The following PGR variants were observed in gnomAD, a reference collection of about 807,000 sequenced individuals.
PGR encodes nuclear receptor subfamily 3 group C member 3.
PGR carries 25 observed loss-of-function variants against 76.1 expected under a neutral mutation model. The observed-to-expected ratio is 0.33, with a 90% CI of 0.24 to 0.46. The LOEUF (loss-of-function observed/expected upper bound fraction) is 0.46, where lower values mean the gene tolerates loss of function less well. Among genes scored for constraint, PGR ranks in the 20% least tolerant of loss-of-function variants. PGR has a pLI of 1.00. For missense variants in PGR, 1,172 were observed against 1,225.3 expected (o/e 0.96, Z 0.65); for synonymous variants, 579 against 535.0 (o/e 1.08, Z -1.14).
At position 101,129,101 on chromosome 11, in the gene PGR, G is replaced by T. The variant is rs1225248623; in HGVS notation, c.-31C>A. The T allele has an allele frequency of 2.3e-6, 3 of 1,328,818 alleles. No homozygotes were observed. Among genetic ancestry groups the T allele is most frequent in the Non-Finnish European group, 9.6e-7 (1 of 1,042,612 alleles). 82.3% of individuals were successfully genotyped at this position (1,328,818 alleles called of 1,614,324 possible). A position where few individuals can be genotyped will look rare whatever the true frequency, so the allele number is the denominator to read the frequency against. On this transcript the variant is annotated 5_prime_UTR_variant, in exon 1 of 8. Transcript: ENST00000325455. ...CTGGACTCCCCTTTTCTCCTCCCCC[G>T]TCTCCAGGAGGAGGGAAAAGGGAAG...
chr11:101,103,371 C>T (rs1315388962), intron 2 of PGR, among the ~76,000 whole-genome samples: 1 of 151,970 alleles, frequency 6.6e-6, no homozygotes, highest in East Asian at 1.9e-4. Context: ...CAGGTGTGAG[C>T]ATCTGAGACC....
chr11:101,041,836 A>C (rs879171599), intron 7 of PGR, 109 bp downstream of exon 7: 2 of 963,198 alleles, frequency 2.1e-6, no homozygotes, highest in Non-Finnish European at 3.2e-6. Context: ...TTAACATACA[A>C]GTATTAATCT....
chr11:101,075,555 T>C lies in PGR; in HGVS notation c.1907-12803A>G, dbSNP rs1861091751. Among the ~76,000 whole-genome samples the C allele has an allele frequency of 2.6e-5, 4 of 151,372 alleles. No individual in the cohort carries two copies. In the South Asian group the frequency reaches 8.3e-4, roughly 32 times the overall value. On this transcript the variant is annotated intron_variant, in intron 3 of 7. Coordinates refer to ENST00000325455, the MANE Select transcript of PGR (RefSeq NM_000926.4). Reference sequence around the variant, plus strand: ...GGCAACCTACAGAATGGGAGAAAATTTCTGCAATTTATCCATCTAACAAAG... The same window carrying C: ...GGCAACCTACAGAATGGGAGAAAATCTCTGCAATTTATCCATCTAACAAAG...
chr11:101,062,413 T>C (rs1384488607), intron 4 of PGR, 34 bp downstream of exon 4: 7 of 1,497,520 alleles, frequency 4.7e-6, no homozygotes, highest in Non-Finnish European at 3.7e-6. Flanking sequence ...TAGTATATTT[T>C]TTATTACATG....
rs1283697257 is a variant in PGR, at chr11:101,128,934, G to C, written c.137C>G (p.Pro46Arg). Residue 46 changes from proline to arginine, a missense_variant, in exon 1 of 8, where the codon CCT (proline) becomes CGT (arginine). Pro to Arg is a moderately radical substitution (Grantham distance 103, BLOSUM62 -2). Coordinates refer to ENST00000325455, the MANE Select transcript of PGR (RefSeq NM_000926.4). ...FPGSQTSDTL[P>R]EVSAIPISLD... ...GGAGATAGGTATGGCCGAAACTTCA[G>C]GCAAGGTGTCCGAGGTCTGGCTCCC... The C allele has an allele frequency of 6.2e-7, 1 of 1,612,132 alleles. No individual in the cohort carries two copies. The highest frequency in any genetic ancestry group is 1.3e-5 in the African/African-American group (1 of 74,906).
intron 2 of PGR, among the ~76,000 whole-genome samples, chr11:101,094,602 T>C (rs1861778159): frequency 6.6e-6 from 1 of 152,230 alleles, no homozygotes; most frequent in South Asian, 2.1e-4. Context: ...CAGTCATATT[T>C]CTAGGTACCT....
intron 3 of PGR, among the ~76,000 whole-genome samples, chr11:101,085,367 TAA>T (rs57854947): frequency 2.0e-5 from 3 of 149,930 alleles, no homozygotes; most frequent in Non-Finnish European, 4.4e-5. Flanking sequence ...AAGGCAGAAA[TAA>T]AAAAAAATTA....
chr11:101,101,385 AAAT>A (rs1373818491), intron 2 of PGR, among the ~76,000 whole-genome samples: 2 of 152,236 alleles, frequency 1.3e-5, no homozygotes, highest in African/African-American at 4.8e-5. Context: ...AATTAAAAGT[AAAT>A]AATAAGTATC....
chr11:101,086,586 G>A (rs1030034427), intron 3 of PGR, among the ~76,000 whole-genome samples: 1 of 152,124 alleles, frequency 6.6e-6, no homozygotes, highest in African/African-American at 2.4e-5. Context: ...GCTAGCCAGA[G>A]CAGTCAGGCA....
Position 101,034,906 on chromosome 11 carries a change from A to T in PGR, c.*4210T>A, listed in dbSNP as rs1387068543. The T allele has an allele frequency of 5.4e-6, 1 of 184,436 alleles. No individual in the cohort carries two copies. Among genetic ancestry groups the T allele is most frequent in the African/African-American group, 2.3e-5 (1 of 42,620 alleles). 11.4% of individuals were successfully genotyped at this position (184,436 alleles called of 1,614,324 possible). A position where few individuals can be genotyped will look rare whatever the true frequency, so the allele number is the denominator to read the frequency against. ...TAGTCCACAGATGCTAGGGAGAAAC[A>T]GAGATTGTTGTTTTCACTCAGCCAT... On this transcript the variant is annotated 3_prime_UTR_variant, in exon 8 of 8. Coordinates refer to ENST00000325455, the MANE Select transcript of PGR (RefSeq NM_000926.4).
Position 101,051,417 on chromosome 11 carries a change from T to C in PGR, c.2357+7A>G. ...AAATAACAAAAACAACAAAAGTTAC[T>C]ACTTACTCATTTAGTATTAGATCAG... is the stretch of plus-strand genomic sequence containing the variant. On this transcript the variant is annotated splice_region_variant and intron_variant, in intron 5 of 7. Coordinates refer to ENST00000325455, the MANE Select transcript of PGR (RefSeq NM_000926.4). 1 of 1,589,518 alleles carries C rather than the reference T, an allele frequency of 6.3e-7. No individual in the cohort carries two copies. Among genetic ancestry groups the C allele is most frequent in the Non-Finnish European group, 8.6e-7 (1 of 1,158,516 alleles).
At chr11:101,124,258 A>G (rs1462926122) in intron 2 of PGR, among the ~76,000 whole-genome samples, 1 of 152,212 alleles carries the variant, frequency 6.6e-6, no homozygotes, top group Non-Finnish European at 1.5e-5. Flanking sequence ...GACTTCGTCT[A>G]CAGTTTTGGA....
chr11:101,051,132 TTTA>T (rs1173789326), intron 5 of PGR, among the ~76,000 whole-genome samples: 2 of 152,058 alleles, frequency 1.3e-5, no homozygotes, highest in Non-Finnish European at 2.9e-5. Flanking sequence ...ATATTTCTCA[TTTA>T]TTATTGTCAT....
chr11:101,122,532 C>A (rs997495210), intron 2 of PGR, among the ~76,000 whole-genome samples: 3 of 152,182 alleles, frequency 2.0e-5, no homozygotes, highest in Admixed American at 1.3e-4. Context: ...CTTTGGAAGG[C>A]ATTAAGTCAA....
At chr11:101,122,535 T>TA (rs1229219142) in intron 2 of PGR, among the ~76,000 whole-genome samples, 1 of 152,226 alleles carries the variant, frequency 6.6e-6, no homozygotes, top group Admixed American at 6.5e-5. Context: ...TGGAAGGCAT[T>TA]AAGTCAATTC....
rs1862951690 is a variant in PGR at position 101,128,273 on chromosome 11, G to A, written c.798C>T (p.Ala266=). The A allele has an allele frequency of 1.3e-6, 2 of 1,591,820 alleles. No individual in the cohort carries two copies. Among genetic ancestry groups the A allele is most frequent in the African/African-American group, 1.3e-5 (1 of 74,700 alleles). ...VPPGAAAGGV[A]LVPKEDSRFS... is the part of the protein sequence containing the mutation. ...AGCGGGAATCTTCCTTGGGGACCAG[G>A]GCGACGCCTCCTGCTGCCGCCCCCG... The change falls in exon 1 of 8, where the codon GCC becomes GCT. Residue 266 remains alanine (A), a synonymous_variant. Transcript: ENST00000325455.
intron 3 of PGR, among the ~76,000 whole-genome samples, chr11:101,087,758 A>G (rs1270192498): frequency 6.6e-6 from 1 of 152,112 alleles, no homozygotes; most frequent in Admixed American, 6.6e-5. Flanking sequence ...AATCTCACCA[A>G]AAAAATGGGC....
chr11:101,116,387 G>C (rs1307632736), intron 2 of PGR, among the ~76,000 whole-genome samples: 2 of 152,338 alleles, frequency 1.3e-5, no homozygotes, highest in Admixed American at 6.5e-5. Context: ...CGGGGCCAGT[G>C]TGGAGGAAAG....
At chr11:101,084,656 T>TAA (rs113646711) in intron 3 of PGR, among the ~76,000 whole-genome samples, 44 of 139,414 alleles carry the variant, frequency 3.2e-4, no homozygotes, top group African/African-American at 1.1e-3. Flanking sequence ...AGACTCCATC[T>TAA]AAAAAAAAAA....
Sources: gnomAD v4.1 joint callset for allele counts (sites outside exome capture counted in the v4.1 genomes callset) on GRCh38, gnomAD v4.1.1 for gene constraint, MANE v1.5 for transcripts, NCBI Gene and HGNC (gene_info 2026-07-23, HGNC 2026-07-21) for gene names.